Variants in TRIM17 observed in about 807,000 individuals in gnomAD.
The protein encoded by TRIM17 is E3 ubiquitin-protein ligase TRIM17.
In TRIM17, 27 loss-of-function variants were observed where a neutral mutation model predicts 35.8. The observed-to-expected ratio is 0.75, with a 90% CI of 0.56 to 1.04. The LOEUF (loss-of-function observed/expected upper bound fraction) is 1.04. TRIM17 is among the 50% of genes least tolerant of loss of function. The probability of loss-of-function intolerance (pLI) is 0.00; values close to 1 mark genes in which losing one functional copy is unlikely to be tolerated. For synonymous variants in TRIM17, 246 were observed against 252.6 expected (o/e 0.97, Z 0.25); for missense variants, 582 against 612.8 (o/e 0.95, Z 0.53).
Position 228,408,508 on chromosome 1 carries a change from C to T in TRIM17, c.1127G>A (p.Arg376Gln), listed in dbSNP as rs200664481. 158 of 1,614,018 alleles carry T rather than the reference C, an allele frequency of 9.8e-5. No individual in the cohort carries two copies. The Admixed American group carries it at 1.8e-3, about 19-fold the overall frequency. ...ALGVCRDNVS[R>Q]KDRVPKCPEN... ...GGGGCACTTGGGGACCCTGTCTTTCCGGCTCACGTTGTCCCTGCACACACC... is the reference window on the plus strand; with the variant it reads ...GGGGCACTTGGGGACCCTGTCTTTCTGGCTCACGTTGTCCCTGCACACACC... The change falls in exon 7 of 7, where the codon CGG (arginine) becomes CAG (glutamine). Residue 376 changes from arginine to glutamine, a missense_variant. Physicochemically the swap from Arg to Gln is conservative, Grantham distance 43. Transcript: ENST00000366698. The surrounding 1 kb of genome is among the most constrained non-coding windows in gnomAD (Gnocchi z 6.3).
chr1:228,411,147 A>G lies in TRIM17; in HGVS notation c.555T>C (p.Ile185=). The G allele has an allele frequency of 2.5e-6, 4 of 1,612,562 alleles. No homozygotes were observed. In the Admixed American group the frequency reaches 5.0e-5, roughly 20 times the overall value. The change falls in exon 4 of 7, where the codon ATT becomes ATC. Residue 185 remains isoleucine (I), a synonymous_variant. Transcript: ENST00000366698. This position sits in a 1 kb window ranked among gnomAD's most constrained non-coding sequence, Gnocchi z 4.2. ...GGTTCATCTTCTCAAACTCCAGCAC[A>G]ATGCGTTCTCTCCGCTCCTTCACCT... ...QGKVKERRER[I]VLEFEKMNLY...
intron 1 of TRIM17, 112 bp downstream of exon 1, chr1:228,416,427 G>A (rs1657130116): frequency 1.0e-6 from 1 of 986,828 alleles, no homozygotes; most frequent in Non-Finnish European, 1.2e-6. Flanking sequence ...CGCGGCGGCC[G>A]GCGGAGGCGG....
rs1216214926 is a variant in TRIM17 at position 228,408,705 on chromosome 1, CAGG to C, written c.927_929del (p.Leu310del). The C allele has an allele frequency of 3.7e-6, 6 of 1,607,004 alleles. No homozygotes were observed. Among genetic ancestry groups the C allele is most frequent in the African/African-American group, 1.3e-5 (1 of 74,936 alleles). ...GGTAGCGCCTCTGGCGGCTCTCATACAGGAGGAGGTAGGGGTACGCGGAGGTGG... is the reference window on the plus strand; with the variant it reads ...GGTAGCGCCTCTGGCGGCTCTCATACAGGAGGTAGGGGTACGCGGAGGTGG... On this transcript the variant is annotated inframe_deletion, in exon 7 of 7. Transcript: ENST00000366698. The surrounding 1 kb of genome is among the most constrained non-coding windows in gnomAD (Gnocchi z 6.3).
chr1:228,414,507 C>T (rs1477722646), intron 2 of TRIM17, 137 bp downstream of exon 2: 1 of 725,928 alleles, frequency 1.4e-6, no homozygotes, highest in Non-Finnish European at 2.3e-6. Flanking sequence ...ACCTTGTCCC[C>T]TGGATGCCTC....
chr1:228,414,795 A>G lies in TRIM17; in HGVS notation c.278T>C (p.Leu93Pro). ...VAEMAQQHPG[L>P]QKQDLCQEHH... is the part of the protein sequence containing the mutation. ...CTCCTGGCACAGGTCTTGCTTCTGC[A>G]GACCAGGATGCTGCTGCGCCATCTC... Residue 93 changes from leucine to proline, a missense_variant, in exon 2 of 7, where the codon CTG (leucine) becomes CCG (proline). Physicochemically the swap from Leu to Pro is moderately conservative, Grantham distance 98. Coordinates refer to ENST00000366698, the MANE Select transcript of TRIM17 (RefSeq NM_016102.4). 1 of 1,613,308 alleles carries G rather than the reference A, an allele frequency of 6.2e-7. No individual in the cohort carries two copies. Among genetic ancestry groups the G allele is most frequent in the Non-Finnish European group, 8.5e-7 (1 of 1,180,042 alleles).
Position 228,415,218 on chromosome 1 carries a change from T to G in TRIM17, c.-41-105A>C, listed in dbSNP as rs779980564. On this transcript the variant is annotated intron_variant, in intron 1 of 6. Transcript: ENST00000366698. ...AGGAGGGCTAGGACTGCAGTCCAGT[T>G]AGAGAGTCCAGAGTCATCATTTTTA... The G allele has an allele frequency of 3.8e-4, 339 of 894,648 alleles. 1 individual carries two copies. Among genetic ancestry groups the G allele is most frequent in the Non-Finnish European group, 3.0e-4 (185 of 606,750 alleles). The allele number at this position is 894,648 out of a possible 1,614,324, so 55.4% of individuals were successfully genotyped here. A position where few individuals can be genotyped will look rare whatever the true frequency, so the allele number is the denominator to read the frequency against.
chr1:228,413,991 C>T, intron 2 of TRIM17, 99 bp from the exon 3 acceptor site: 1 of 965,248 alleles, frequency 1.0e-6, no homozygotes, highest in South Asian at 1.3e-5. Context: ...ACCCCAGAGA[C>T]CCTCCTCAGG....
chr1:228,412,610 A>G lies in TRIM17; in HGVS notation c.525+1187T>C, dbSNP rs1656840261. ...CTTGTCTCTACAAAAAAAAAAAAAAAAAAAAAAAAAAAAGCTGGTCTTGGT... is the reference window on the plus strand; with the variant it reads ...CTTGTCTCTACAAAAAAAAAAAAAAGAAAAAAAAAAAAAGCTGGTCTTGGT... On this transcript the variant is annotated intron_variant, in intron 3 of 6. Coordinates refer to ENST00000366698, the MANE Select transcript of TRIM17 (RefSeq NM_016102.4). Among the ~76,000 whole-genome samples, 4 of 148,994 alleles carry G rather than the reference A, an allele frequency of 2.7e-5. No individual in the cohort carries two copies. In the Admixed American group the frequency reaches 2.8e-4, roughly 10 times the overall value.
Position 228,409,394 on chromosome 1 carries a change from C to T in TRIM17, c.774G>A (p.Leu258=), listed in dbSNP as rs1194182780. The T allele has an allele frequency of 1.9e-6, 3 of 1,560,692 alleles. No homozygotes were observed. The highest frequency in any genetic ancestry group is 2.6e-6 in the Non-Finnish European group (3 of 1,156,138). ...LQMLQDMKEP[L]SRKNNVSVQC... ...TGCCTGAGGGGACCACATACCTGCT[C>T]AGGGGTTCCTTCATGTCCTGCAAAA... Residue 258 remains leucine, a synonymous_variant, in exon 5 of 7, where the codon CTG becomes CTA. Coordinates refer to ENST00000366698, the MANE Select transcript of TRIM17 (RefSeq NM_016102.4).
In TRIM17 at chr1:228,411,582, A is replaced by G. The variant is rs936677962; in HGVS notation, c.526-406T>C. ...AACCTTGACCTCCTGGGCTCAAGTC[A>G]TCTGAGTAGCTGGGACCACAGGCAT... On this transcript the variant is annotated intron_variant, in intron 3 of 6. Coordinates refer to ENST00000366698, the MANE Select transcript of TRIM17 (RefSeq NM_016102.4). The surrounding 1 kb of genome is among the most constrained non-coding windows in gnomAD (Gnocchi z 4.2). Among the ~76,000 whole-genome samples the G allele has an allele frequency of 3.3e-5, 5 of 151,996 alleles. No homozygotes were observed. The highest frequency in any genetic ancestry group is 6.6e-5 in the Admixed American group (1 of 15,254).
intron 1 of TRIM17, 54 bp downstream of exon 1, chr1:228,416,485 G>A: frequency 1.0e-6 from 1 of 985,920 alleles, no homozygotes; most frequent in Non-Finnish European, 1.2e-6. Flanking sequence ...GGCTTAGGTC[G>A]TGGCCCAGGC....
In TRIM17 at chr1:228,410,411, ACCTCCTCCACACCGAGACATG is replaced by A. The variant is rs2149104378; in HGVS notation, c.756+514_756+534del. On this transcript the variant is annotated intron_variant, in intron 4 of 6. Coordinates refer to ENST00000366698, the MANE Select transcript of TRIM17 (RefSeq NM_016102.4). This position sits in a 1 kb window ranked among gnomAD's most constrained non-coding sequence, Gnocchi z 4.6. ...ACACAACTCACTCCTGGGACAGTGC[ACCTCCTCCACACCGAGACATG>A]GAGTCCCTGTCCCAAAGCCACACCT... 6.6e-6 allele frequency among the ~76,000 whole-genome samples: 1 copy of A among 151,620 alleles called. No homozygotes were observed. The highest frequency in any genetic ancestry group is 2.1e-4 in the South Asian group (1 of 4,794).
At position 228,410,880 on chromosome 1, in the gene TRIM17, C is replaced by G. The variant is rs1019662834; in HGVS notation, c.756+66G>C. On this transcript the variant is annotated intron_variant, in intron 4 of 6. Transcript: ENST00000366698. This position sits in a 1 kb window ranked among gnomAD's most constrained non-coding sequence, Gnocchi z 4.6. Reference sequence around the variant, plus strand: ...CCGTTGGCTGCCTCTTCCCCAAGCCCAGCGCCCCCTGCCCATGCCTGTCAG... The same window carrying G: ...CCGTTGGCTGCCTCTTCCCCAAGCCGAGCGCCCCCTGCCCATGCCTGTCAG... 3 of 1,203,956 alleles carry G rather than the reference C, an allele frequency of 2.5e-6. No homozygotes were observed. Among genetic ancestry groups the G allele is most frequent in the Non-Finnish European group, 3.4e-6 (3 of 888,758 alleles). The allele number at this position is 1,203,956 out of a possible 1,614,324, so 74.6% of individuals were successfully genotyped here.
At chr1:228,415,263 C>A (rs760207168) in intron 1 of TRIM17, 150 bp from the exon 2 acceptor site, 30 of 628,252 alleles carry the variant, frequency 4.8e-5, no homozygotes, top group Non-Finnish European at 8.1e-5. Flanking sequence ...ACAACAGACA[C>A]AGATGCCTCC....
chr1:228,409,067 C>T, intron 6 of TRIM17, 105 bp downstream of exon 6: 1 of 1,613,402 alleles, frequency 6.2e-7, no homozygotes, highest in Non-Finnish European at 8.5e-7. Context: ...CCAGGCAGTG[C>T]ACTTGTAGAA....
At position 228,410,858 on chromosome 1, in the gene TRIM17, T is replaced by C. The variant is rs1472813035; in HGVS notation, c.756+88A>G. The C allele has an allele frequency of 5.2e-6, 5 of 963,282 alleles. No homozygotes were observed. In the East Asian group the frequency reaches 1.4e-4, roughly 26 times the overall value. 59.7% of individuals were successfully genotyped at this position (963,282 alleles called of 1,614,324 possible). ...ACTGGGAGCTAACAGCCCTTTCCCG[T>C]TGGCTGCCTCTTCCCCAAGCCCAGC... is the stretch of plus-strand genomic sequence containing the variant. On this transcript the variant is annotated intron_variant, in intron 4 of 6. Transcript: ENST00000366698. This position sits in a 1 kb window ranked among gnomAD's most constrained non-coding sequence, Gnocchi z 4.6.
chr1:228,410,923 G>T lies in TRIM17; in HGVS notation c.756+23C>A, dbSNP rs369370864. 1,234 of 1,474,580 alleles carry T rather than the reference G, an allele frequency of 8.4e-4. 20 individuals are homozygous for T. The South Asian group carries it at 0.015, about 18-fold the overall frequency. 91.3% of individuals were successfully genotyped at this position (1,474,580 alleles called of 1,614,324 possible). A position where few individuals can be genotyped will look rare whatever the true frequency, so the allele number is the denominator to read the frequency against. On this transcript the variant is annotated intron_variant, in intron 4 of 6. Coordinates refer to ENST00000366698, the MANE Select transcript of TRIM17 (RefSeq NM_016102.4). This position sits in a 1 kb window ranked among gnomAD's most constrained non-coding sequence, Gnocchi z 4.6. ...CCTGTCAGAGCTCACATCCCACCCTGCCTGCCAAGCCTACTGGCTCACCTG... is the reference window on the plus strand; with the variant it reads ...CCTGTCAGAGCTCACATCCCACCCTTCCTGCCAAGCCTACTGGCTCACCTG...
chr1:228,408,135 G>A lies in TRIM17; in HGVS notation c.*66C>T. ...GCCAGAGAACCCTGGCAGGTGGCCT[G>A]CAGTAAGCAGAAGGCCCACACCTTC... is the stretch of plus-strand genomic sequence containing the variant. On this transcript the variant is annotated 3_prime_UTR_variant, in exon 7 of 7. Coordinates refer to ENST00000366698, the MANE Select transcript of TRIM17 (RefSeq NM_016102.4). This position sits in a 1 kb window ranked among gnomAD's most constrained non-coding sequence, Gnocchi z 6.3. 6.9e-7 allele frequency: 1 copy of A among 1,451,574 alleles called. No homozygotes were observed. Among genetic ancestry groups the A allele is most frequent in the Non-Finnish European group, 9.2e-7 (1 of 1,085,994 alleles). The allele number at this position is 1,451,574 out of a possible 1,614,324, so 89.9% of individuals were successfully genotyped here.
intron 2 of TRIM17, 51 bp from the exon 3 acceptor site, chr1:228,413,943 CTGCCTAGAGTCCAGTTG>C: frequency 6.7e-7 from 1 of 1,482,366 alleles, no homozygotes. Context: ...CCCCTACCTC[CTGCCTAGAGTCCAGTTG>C]TGCTCGCTGA....
Sources: gnomAD v4.1 joint callset for allele counts (sites outside exome capture counted in the v4.1 genomes callset) on GRCh38, gnomAD v4.1.1 for gene constraint, Gnocchi (gnomAD v3.1) non-coding constraint, MANE v1.5 for transcripts, NCBI Gene and HGNC (gene_info 2026-07-23, HGNC 2026-07-21) for gene names.